CDH18: variants seen among roughly 807,000 people sequenced by gnomAD.
CDH18 encodes the protein cadherin 18, also known as cadherin-18.
Under a neutral mutation model 67.9 loss-of-function variants are expected in CDH18, and 31 were observed. The observed-to-expected ratio is 0.46, with a 90% CI of 0.34 to 0.62. The LOEUF (loss-of-function observed/expected upper bound fraction) is 0.62. Among genes scored for constraint, CDH18 ranks in the 20% least tolerant of loss-of-function variants. The pLI, the probability that CDH18 is intolerant of heterozygous loss-of-function variation, is 0.01. For missense variants in CDH18, 890 were observed against 975.5 expected, an observed-to-expected ratio of 0.91 and a Z score of 1.17; for synonymous variants, 362 against 347.2, an observed-to-expected ratio of 1.04 and a Z score of -0.48.
At chr5:20,439,955 A>G (rs1408626433) in intron 1 of CDH18, among the ~76,000 whole-genome samples, 1 of 151,868 alleles carries the variant, frequency 6.6e-6, no homozygotes, top group Non-Finnish European at 1.5e-5. Context: ...AAGATACTCT[A>G]TCTATTAGTA....
At chr5:19,768,562 A>G (rs1210228707) in intron 3 of CDH18, among the ~76,000 whole-genome samples, 3 of 152,162 alleles carry the variant, frequency 2.0e-5, no homozygotes, top group African/African-American at 4.8e-5. Context: ...CTCAACATAT[A>G]CAACGCTGCC....
chr5:19,924,870 A>G (rs1049521894), intron 2 of CDH18, among the ~76,000 whole-genome samples: 21 of 152,120 alleles, frequency 1.4e-4, no homozygotes, highest in Non-Finnish European at 2.6e-4. Flanking sequence ...TTAAGCTTCA[A>G]CATCCTGTGC....
intron 2 of CDH18, among the ~76,000 whole-genome samples, chr5:20,001,999 A>G (rs1007343971): frequency 2.6e-5 from 4 of 152,176 alleles, no homozygotes; most frequent in South Asian, 4.1e-4. Flanking sequence ...CAATATTCAT[A>G]TATCAGGGTT....
chr5:19,788,598 T>C (rs1776051362), intron 3 of CDH18, among the ~76,000 whole-genome samples: 1 of 152,166 alleles, frequency 6.6e-6, no homozygotes, highest in Admixed American at 6.6e-5. Context: ...CTATTGGCTT[T>C]CATAGGGTGG....
At chr5:20,328,422 G>A (rs1738814229) in intron 1 of CDH18, among the ~76,000 whole-genome samples, 1 of 151,678 alleles carries the variant, frequency 6.6e-6, no homozygotes, top group African/African-American at 2.4e-5. Flanking sequence ...TGGAGTATCT[G>A]ACAAGATGAA....
chr5:19,727,045 G>A (rs766276783), intron 4 of CDH18, among the ~76,000 whole-genome samples: 3 of 152,114 alleles, frequency 2.0e-5, no homozygotes, highest in Non-Finnish European at 4.4e-5. Flanking sequence ...TTTCAGAACT[G>A]TGACAAATAA....
At chr5:20,281,565 A>G (rs1049303398) in intron 1 of CDH18, among the ~76,000 whole-genome samples, 2 of 151,966 alleles carry the variant, frequency 1.3e-5, no homozygotes, top group African/African-American at 2.4e-5. Flanking sequence ...CCATTGGTCT[A>G]TATCTCTGTT....
chr5:19,583,993 G>T (rs1300316520), intron 7 of CDH18, among the ~76,000 whole-genome samples: 1 of 152,072 alleles, frequency 6.6e-6, no homozygotes, highest in African/African-American at 2.4e-5. Context: ...AAAATCAGAA[G>T]GCCAAATAGA....
Position 19,764,646 on chromosome 5 carries a change from T to C in CDH18, c.229-17410A>G, listed in dbSNP as rs202090766. Among the ~76,000 whole-genome samples the C allele has an allele frequency of 5.6e-3, 710 of 127,284 alleles. 2 individuals carry two copies. The highest frequency in any genetic ancestry group is 7.8e-3 in the African/African-American group (294 of 37,824). The allele number at this position is 127,284 out of a possible 152,430, so 83.5% of individuals were successfully genotyped here. A position where few individuals can be genotyped will look rare whatever the true frequency, so the allele number is the denominator to read the frequency against. ...CTTCATATATATATATATATATATA[T>C]ATACACACACACATACACATATATG... On this transcript the variant is annotated intron_variant, in intron 3 of 12. Coordinates refer to ENST00000382275, the MANE Select transcript of CDH18 (RefSeq NM_004934.5).
intron 4 of CDH18, among the ~76,000 whole-genome samples, chr5:19,724,512 T>TACACACACAC (rs34923644): frequency 1.1e-4 from 17 of 148,784 alleles, no homozygotes; most frequent in African/African-American, 4.0e-4. Context: ...CACACAGACA[T>TACACACACAC]ACACACACAC....
chr5:20,053,165 T>C (rs1741584442), intron 2 of CDH18, among the ~76,000 whole-genome samples: 1 of 152,014 alleles, frequency 6.6e-6, no homozygotes. Flanking sequence ...TAACACAAAA[T>C]TTCTGAAACG....
chr5:19,941,115 T>C (rs1415189708), intron 2 of CDH18, among the ~76,000 whole-genome samples: 2 of 152,056 alleles, frequency 1.3e-5, no homozygotes, highest in Non-Finnish European at 2.9e-5. Flanking sequence ...TGATTAGGCA[T>C]GAGGGTGGAG....
intron 2 of CDH18, among the ~76,000 whole-genome samples, chr5:19,937,042 A>G (rs10051113): frequency 0.6 from 91,040 of 150,972 alleles, 27,855 homozygotes; most frequent in Middle Eastern, 0.71. Flanking sequence ...ATAAATTAAA[A>G]GTTAGAGCAA....
At chr5:19,807,950 G>A (rs142432395) in intron 3 of CDH18, among the ~76,000 whole-genome samples, 54 of 152,034 alleles carry the variant, frequency 3.6e-4, no homozygotes, top group Admixed American at 7.9e-4. Context: ...CATAGTGACC[G>A]GAACACAGGT....
intron 2 of CDH18, among the ~76,000 whole-genome samples, chr5:20,230,154 T>G (rs1029517204): frequency 6.6e-6 from 1 of 152,174 alleles, no homozygotes; most frequent in African/African-American, 2.4e-5. Flanking sequence ...GAATAATACA[T>G]TGCATTGATG....
At chr5:20,536,800 G>T (rs1756751806) in intron 1 of CDH18, among the ~76,000 whole-genome samples, 1 of 151,992 alleles carries the variant, frequency 6.6e-6, no homozygotes, top group Non-Finnish European at 1.5e-5. Context: ...TGCATGAAAT[G>T]AGTATTATAT....
At chr5:20,037,462 A>C (rs113617924) in intron 2 of CDH18, among the ~76,000 whole-genome samples, 1 of 152,206 alleles carries the variant, frequency 6.6e-6, no homozygotes, top group African/African-American at 2.4e-5. Context: ...TGGAAGTAAA[A>C]CACTCCTAAG....
intron 1 of CDH18, among the ~76,000 whole-genome samples, chr5:20,379,528 C>G (rs975009906): frequency 6.6e-6 from 1 of 151,978 alleles, no homozygotes; most frequent in African/African-American, 2.4e-5. Flanking sequence ...GACACTGAAC[C>G]ATGAAACACA....
intron 2 of CDH18, among the ~76,000 whole-genome samples, chr5:20,042,480 G>A (rs905509306): frequency 3.3e-5 from 5 of 152,158 alleles, no homozygotes; most frequent in Non-Finnish European, 7.3e-5. Context: ...TTCTGAGTAA[G>A]TTTGGAGTCA....
Sources: gnomAD v4.1 joint callset for allele counts (sites outside exome capture counted in the v4.1 genomes callset) on GRCh38, gnomAD v4.1.1 for gene constraint, MANE v1.5 for transcripts, NCBI Gene and HGNC (gene_info 2026-07-23, HGNC 2026-07-21) for gene names.